Variants in STAT5B observed in about 807,000 individuals in gnomAD.
STAT5B encodes transcription factor STAT5B.
STAT5B carries 21 observed loss-of-function variants against 107.8 expected under a neutral mutation model. The ratio of observed to expected loss-of-function variants is 0.19; its 90% confidence interval spans 0.14 to 0.28. STAT5B has a LOEUF of 0.28. STAT5B is among the 10% of genes least tolerant of loss of function. The pLI is 1.00. For missense variants in STAT5B, 565 were observed against 1,008.2 expected (o/e 0.56, Z 5.95); for synonymous variants, 325 against 401.7 (o/e 0.81, Z 2.28).
chr17:42,244,062 C>T (rs2080429367), intron 1 of STAT5B, among the ~76,000 whole-genome samples: 1 of 151,324 alleles, frequency 6.6e-6, no homozygotes, highest in Non-Finnish European at 1.5e-5. Context: ...TCCTATCTTA[C>T]CTTCAGAATT....
At chr17:42,234,937 T>G (rs916452671) in intron 1 of STAT5B, 14 of 152,280 alleles carry the variant, frequency 9.2e-5, no homozygotes, top group African/African-American at 3.4e-4. Context: ...GATAAAAGAA[T>G]GAAGAGAAGA....
At chr17:42,277,963 G>C (rs544870958), upstream of STAT5B, among the ~76,000 whole-genome samples, 1 of 151,896 alleles carries the variant, frequency 6.6e-6, no homozygotes, top group African/African-American at 2.4e-5. Context: ...TCACCATGTT[G>C]GCCAGGCTGG....
intron 3 of STAT5B, among the ~76,000 whole-genome samples, chr17:42,225,855 G>A (rs2080268644): frequency 6.6e-6 from 1 of 152,170 alleles, no homozygotes; most frequent in Non-Finnish European, 1.5e-5. Context: ...GATGTGCAAT[G>A]TTAACGTAAT....
At chr17:42,286,149 C>T in the STAT5B span, among the ~76,000 whole-genome samples, 2 of 145,122 alleles carry the variant, frequency 1.4e-5, no homozygotes, top group Non-Finnish European at 3.0e-5. Context: ...AGGAGAATCG[C>T]TTGAACCTTG....
chr17:42,217,096 G>A, intron 11 of STAT5B, 64 bp downstream of exon 11: 1 of 1,558,500 alleles, frequency 6.4e-7, no homozygotes, highest in Non-Finnish European at 8.7e-7. Flanking sequence ...AAAATATTTT[G>A]TAACATAAAG....
upstream of STAT5B, chr17:42,276,484 C>G (rs1444308546): frequency 1.3e-5 from 2 of 149,744 alleles, no homozygotes; most frequent in Non-Finnish European, 3.0e-5. The surrounding 1 kb of genome is among the most constrained non-coding windows in gnomAD (Gnocchi z 4.8). Context: ...GAGCGCGCCC[C>G]GCTTCCTGGT....
At chr17:42,263,822 C>T (rs1187289036) in intron 1 of STAT5B, among the ~76,000 whole-genome samples, 4 of 151,506 alleles carry the variant, frequency 2.6e-5, no homozygotes, top group African/African-American at 7.3e-5. Context: ...TCACTGTGCC[C>T]AGCCATAATC....
chr17:42,218,470 G>A, intron 8 of STAT5B, 140 bp from the exon 9 acceptor site: 1 of 1,427,342 alleles, frequency 7.0e-7, no homozygotes. Flanking sequence ...TGTTCCTGGG[G>A]AAGCCGTGAG....
At chr17:42,238,183 G>C (rs1245211010) in intron 1 of STAT5B, among the ~76,000 whole-genome samples, 1 of 151,962 alleles carries the variant, frequency 6.6e-6, no homozygotes, top group African/African-American at 2.4e-5. Context: ...ACTCAGGCTG[G>C]AGTGCAGTGG....
chr17:42,251,814 A>G (rs2144361671), intron 1 of STAT5B, among the ~76,000 whole-genome samples: 1 of 152,262 alleles, frequency 6.6e-6, no homozygotes, highest in African/African-American at 2.4e-5. Context: ...ACTGGCCAGC[A>G]TGGTGAAACC....
At chr17:42,251,365 T>C (rs1374741800) in intron 1 of STAT5B, among the ~76,000 whole-genome samples, 2 of 152,222 alleles carry the variant, frequency 1.3e-5, no homozygotes, top group Non-Finnish European at 2.9e-5. Flanking sequence ...GTTGTTAACT[T>C]TGTTAAACTT....
chr17:42,280,438 C>T (rs143269560), upstream of STAT5B, among the ~76,000 whole-genome samples: 4 of 152,230 alleles, frequency 2.6e-5, no homozygotes, highest in African/African-American at 7.2e-5. Flanking sequence ...TTTCTGGGAA[C>T]GTCACTGAAG....
At chr17:42,269,110 G>T (rs551169534) in intron 1 of STAT5B, among the ~76,000 whole-genome samples, 1 of 152,096 alleles carries the variant, frequency 6.6e-6, no homozygotes, top group South Asian at 2.1e-4. Context: ...GTCTCGCTCC[G>T]TCTCCCAGGC....
intron 8 of STAT5B, 72 bp from the exon 9 acceptor site, chr17:42,218,402 G>A (rs1386864422): frequency 3.2e-6 from 5 of 1,570,052 alleles, no homozygotes; most frequent in Non-Finnish European, 4.3e-6. Flanking sequence ...TCCCTCTGTG[G>A]TGGGGGTGGG....
At position 42,238,624 on chromosome 17, in the gene STAT5B, T is replaced by G. The variant is rs1337874171; in HGVS notation, c.-10-6487A>C. On this transcript the variant is annotated intron_variant, in intron 1 of 18. Coordinates refer to ENST00000293328, the MANE Select transcript of STAT5B (RefSeq NM_012448.4). ...GCCCGCCACCACGCCTGGCTAATTT[T>G]GTATTTTTAGTAGAGATGGAGTTTT... 2.0e-5 allele frequency among the ~76,000 whole-genome samples: 3 copies of G among 151,936 alleles called. No individual in the cohort carries two copies. The East Asian group carries it at 5.8e-4, about 30-fold the overall frequency.
At chr17:42,254,132 T>A (rs1169491714) in intron 1 of STAT5B, among the ~76,000 whole-genome samples, 1 of 152,044 alleles carries the variant, frequency 6.6e-6, no homozygotes, top group Non-Finnish European at 1.5e-5. Flanking sequence ...TCCCAGCACT[T>A]TGGGATGCTG....
At chr17:42,261,748 TGAG>T (rs1473003605) in intron 1 of STAT5B, among the ~76,000 whole-genome samples, 2 of 151,966 alleles carry the variant, frequency 1.3e-5, no homozygotes, top group Non-Finnish European at 2.9e-5. Flanking sequence ...TTTATAGAGA[TGAG>T]GTTTCACCAT....
chr17:42,280,174 C>G (rs375368878), upstream of STAT5B, among the ~76,000 whole-genome samples: 121 of 152,224 alleles, frequency 7.9e-4, no homozygotes, highest in African/African-American at 2.8e-3. Flanking sequence ...TCAGGAATGA[C>G]CCAAGAAGGT....
At chr17:42,230,061 C>T (rs953431405) in intron 2 of STAT5B, among the ~76,000 whole-genome samples, 5 of 152,094 alleles carry the variant, frequency 3.3e-5, no homozygotes, top group Non-Finnish European at 7.4e-5. Flanking sequence ...AAATCCTCCA[C>T]ATCAGAAAAC....
Sources: gnomAD v4.1 joint callset for allele counts (sites outside exome capture counted in the v4.1 genomes callset) on GRCh38, gnomAD v4.1.1 for gene constraint, Gnocchi (gnomAD v3.1) non-coding constraint, MANE v1.5 for transcripts, NCBI Gene and HGNC (gene_info 2026-07-23, HGNC 2026-07-21) for gene names.